CRTAP: variants seen among roughly 807,000 people sequenced by gnomAD.
CRTAP encodes the protein cartilage-associated protein.
Under a neutral mutation model 42.7 loss-of-function variants are expected in CRTAP, and 33 were observed. That is an observed-to-expected ratio of 0.77 (90% CI 0.59 to 1.03). The LOEUF (loss-of-function observed/expected upper bound fraction) is 1.03, where lower values mean the gene tolerates loss of function less well. Ranked by LOEUF, CRTAP falls within the 50% of genes least tolerant of loss-of-function variation. CRTAP has a pLI of 0.00. For missense variants in CRTAP, 613 were observed against 533.9 expected, an observed-to-expected ratio of 1.15 and a Z score of -1.46; for synonymous variants, 243 against 217.7, an observed-to-expected ratio of 1.12 and a Z score of -1.02.
intron 3 of CRTAP, among the ~76,000 whole-genome samples, chr3:33,124,837 C>T (rs1284974356): frequency 6.6e-6 from 1 of 152,164 alleles, no homozygotes; most frequent in East Asian, 1.9e-4. Flanking sequence ...TACTTGCTTA[C>T]AGATTTCCTA....
rs567140362 is a variant in CRTAP at position 33,126,615 on chromosome 3, A to G, written c.793+2036A>G. ...TCTATCTTTGATACAGCTAAGATAT[A>G]TATGTATTGTAAATCAAAGAGTATC... On this transcript the variant is annotated intron_variant, in intron 3 of 6. Coordinates refer to ENST00000320954, the MANE Select transcript of CRTAP (RefSeq NM_006371.5). 4.6e-5 allele frequency among the ~76,000 whole-genome samples: 7 copies of G among 152,326 alleles called. No homozygotes were observed. In the East Asian group the frequency reaches 1.4e-3, roughly 29 times the overall value.
rs576734947 is a variant in CRTAP at position 33,143,155 on chromosome 3, C to T, written c.*707C>T. ...TATTTTTTAAATAAGAAAAACATTC[C>T]TAGAAGATGATAATTGTGAAAACCT... is the stretch of plus-strand genomic sequence containing the variant. On this transcript the variant is annotated 3_prime_UTR_variant, in exon 7 of 7. Transcript: ENST00000320954. The T allele has an allele frequency of 4.6e-5, 7 of 152,162 alleles. No individual in the cohort carries two copies. The highest frequency in any genetic ancestry group is 1.2e-4 in the African/African-American group (5 of 41,422). 9.4% of individuals were successfully genotyped at this position (152,162 alleles called of 1,614,324 possible).
chr3:33,120,166 TCAG>T (rs921699867), intron 1 of CRTAP, among the ~76,000 whole-genome samples, 175 bp from the exon 2 acceptor site: 2 of 152,150 alleles, frequency 1.3e-5, no homozygotes, highest in African/African-American at 4.8e-5. Flanking sequence ...TTTCAGGAAA[TCAG>T]CACTTGTCTC....
chr3:33,137,288 C>T (rs2030449750), intron 6 of CRTAP, among the ~76,000 whole-genome samples: 1 of 152,070 alleles, frequency 6.6e-6, no homozygotes, highest in Non-Finnish European at 1.5e-5. Context: ...TACAGGCGCG[C>T]ACCACCACAC....
chr3:33,125,939 A>T (rs1418644880), intron 3 of CRTAP, among the ~76,000 whole-genome samples: 1 of 152,180 alleles, frequency 6.6e-6, no homozygotes, highest in Non-Finnish European at 1.5e-5. Flanking sequence ...GCAATGGGTT[A>T]TCTCTTGAAA....
rs769801562 is a variant in CRTAP, at chr3:33,132,579, C to G, written c.947C>G (p.Pro316Arg). 1.9e-6 allele frequency: 3 copies of G among 1,614,112 alleles called. No homozygotes were observed. The highest frequency in any genetic ancestry group is 2.5e-6 in the Non-Finnish European group (3 of 1,179,990). ...GTGAACGACCTGAAGAATGCAGCCC[C>G]CTGTGCAGTCAGCTATCTGCTCTTT... ...YKLNDLKNAA[P>R]CAVSYLLFDQ... The change falls in exon 5 of 7, where the codon CCC (proline) becomes CGC (arginine). Residue 316 changes from proline (P) to arginine (R), a missense_variant. Physicochemically the swap from Pro to Arg is moderately radical, Grantham distance 103. Transcript: ENST00000320954.
Position 33,120,343 on chromosome 3 carries a change from G to GTAGA in CRTAP, c.472-1_472insTAGA (p.Ala158Ter). On this transcript the variant is annotated stop_gained and frameshift_variant and splice_region_variant. Coordinates refer to ENST00000320954, the MANE Select transcript of CRTAP (RefSeq NM_006371.5). LOFTEE classifies it high-confidence loss of function. ...AGCTTTTATGTTCTTTGTCCTTTTA[G>GTAGA]GCAAATAATCTCCCCAAAGCCATCG... 1 of 1,613,586 alleles carries GTAGA rather than the reference G, an allele frequency of 6.2e-7. No individual in the cohort carries two copies. The highest frequency in any genetic ancestry group is 8.5e-7 in the Non-Finnish European group (1 of 1,179,618).
chr3:33,123,625 G>GTTTT (rs141876885), intron 2 of CRTAP, among the ~76,000 whole-genome samples: 34 of 106,350 alleles, frequency 3.2e-4, no homozygotes, highest in African/African-American at 7.2e-4. Context: ...CCCAGTCTCG[G>GTTTT]TTTTTTTTTT....
Position 33,129,991 on chromosome 3 carries a change from C to T in CRTAP, c.846C>T (p.Thr282=). Residue 282 remains threonine (T), a synonymous_variant, in exon 4 of 7, where the codon ACC becomes ACT. Coordinates refer to ENST00000320954, the MANE Select transcript of CRTAP (RefSeq NM_006371.5). ...ECKIQCEENL[T]PVIGGYPVEK... The stretch of plus-strand genomic sequence containing the variant: ...AAATACAGTGTGAAGAGAACCTCAC[C>T]CCAGTTATAGGAGGCTATCCGGTTG... 6.2e-7 allele frequency: 1 copy of T among 1,613,002 alleles called. No individual in the cohort carries two copies. The highest frequency in any genetic ancestry group is 8.5e-7 in the Non-Finnish European group (1 of 1,179,136).
Position 33,114,198 on chromosome 3 carries a change from C to T in CRTAP, c.121C>T (p.Leu41=), listed in dbSNP as rs904106169. 23 of 1,594,288 alleles carry T rather than the reference C, an allele frequency of 1.4e-5. 2 individuals carry two copies. The Admixed American group carries it at 2.7e-4, about 19-fold the overall frequency. The part of the protein sequence containing the change: ...YSFRSFPRDE[L]MPLESAYRHA... Reference sequence around the variant, plus strand: ...CTTCCGCAGCTTCCCACGGGACGAGCTGATGCCGCTCGAGTCGGCCTACCG... The same window carrying T: ...CTTCCGCAGCTTCCCACGGGACGAGTTGATGCCGCTCGAGTCGGCCTACCG... Residue 41 remains leucine (L), a synonymous_variant, in exon 1 of 7, where the codon CTG becomes TTG. Coordinates refer to ENST00000320954, the MANE Select transcript of CRTAP (RefSeq NM_006371.5).
chr3:33,142,288 G>A (rs1468560509), intron 6 of CRTAP, 107 bp from the exon 7 acceptor site: 2 of 1,104,858 alleles, frequency 1.8e-6, no homozygotes, highest in African/African-American at 3.1e-5. Flanking sequence ...ACCTGTTTCA[G>A]CCAAAGCAGA....
Position 33,145,999 on chromosome 3 carries a change from A to C in CRTAP, c.*3551A>C, listed in dbSNP as rs2030709548. On this transcript the variant is annotated 3_prime_UTR_variant, in exon 7 of 7. Transcript: ENST00000320954. This position sits in a 1 kb window ranked among gnomAD's most constrained non-coding sequence, Gnocchi z 4.3. ...TGAAGGCTGTAGAGCTGAGTTACCA[A>C]AATTTCTATTTCAAAGGAAACCAAA... The C allele has an allele frequency of 6.6e-6, 1 of 152,020 alleles. No individual in the cohort carries two copies. The highest frequency in any genetic ancestry group is 1.5e-5 in the Non-Finnish European group (1 of 68,016). 9.4% of individuals were successfully genotyped at this position (152,020 alleles called of 1,614,324 possible). A position where few individuals can be genotyped will look rare whatever the true frequency, so the allele number is the denominator to read the frequency against.
chr3:33,117,673 C>T (rs1457802025), intron 1 of CRTAP, among the ~76,000 whole-genome samples: 1 of 152,206 alleles, frequency 6.6e-6, no homozygotes, highest in East Asian at 1.9e-4. Flanking sequence ...AACCACAGGG[C>T]CTGCCTCTGT....
Position 33,114,384 on chromosome 3 carries a change from T to C in CRTAP, c.307T>C (p.Tyr103His). 1 of 1,529,560 alleles carries C rather than the reference T, an allele frequency of 6.5e-7. No homozygotes were observed. Among genetic ancestry groups the C allele is most frequent in the African/African-American group, 1.4e-5 (1 of 70,462 alleles). The allele number at this position is 1,529,560 out of a possible 1,614,324, so 94.7% of individuals were successfully genotyped here. A position where few individuals can be genotyped will look rare whatever the true frequency, so the allele number is the denominator to read the frequency against. Residue 103 changes from tyrosine (Y) to histidine (H), a missense_variant, in exon 1 of 7, where the codon TAT becomes CAT. Tyr to His is a moderately conservative substitution (Grantham distance 83). Transcript: ENST00000320954. ...CGAGCCCGCCGCCGGCCTCGCCAGC[T>C]ATCCCGAGCTGCGCCTCTTCGGGGG... is the stretch of plus-strand genomic sequence containing the variant. ...QPEPAAGLAS[Y>H]PELRLFGGLL...
intron 3 of CRTAP, among the ~76,000 whole-genome samples, chr3:33,128,734 A>G (rs2030149153): frequency 6.6e-6 from 1 of 152,190 alleles, no homozygotes; most frequent in Admixed American, 6.5e-5. Flanking sequence ...ATCATTTTGT[A>G]CTTCCTACCA....
In CRTAP at chr3:33,130,059, A is replaced by G. The variant is rs535806404; in HGVS notation, c.914A>G (p.Tyr305Cys). The change falls in exon 4 of 7, where the codon TAT becomes TGT. Residue 305 changes from tyrosine (Y) to cysteine (C), a missense_variant. Coordinates refer to ENST00000320954, the MANE Select transcript of CRTAP (RefSeq NM_006371.5). ...ATMYHYLQFA[Y>C]YKLNDLKNAA... ...ATGTATCATTACTTGCAGTTTGCCT[A>G]TTATAAGTGTAAGTAATCTTCTGTG... 1.2e-6 allele frequency: 2 copies of G among 1,613,626 alleles called. No homozygotes were observed. Among genetic ancestry groups the G allele is most frequent in the South Asian group, 1.1e-5 (1 of 91,080 alleles).
chr3:33,129,910 G>A (rs947704311), intron 3 of CRTAP, 29 bp from the exon 4 acceptor site: 1 of 1,606,836 alleles, frequency 6.2e-7, no homozygotes, highest in Admixed American at 1.7e-5. Context: ...TGGATCCACT[G>A]CTCTGAAAAT....
At chr3:33,124,616 A>C (rs1559433967) in intron 3 of CRTAP, 37 bp downstream of exon 3, 1 of 1,611,982 alleles carries the variant, frequency 6.2e-7, no homozygotes. Context: ...ACTCCCATGG[A>C]ATAGTCTTCC....
chr3:33,129,876 G>A, intron 3 of CRTAP, 63 bp from the exon 4 acceptor site: 1 of 1,507,408 alleles, frequency 6.6e-7, no homozygotes, highest in Non-Finnish European at 9.2e-7. Flanking sequence ...TTGGGCAGGA[G>A]GCAGTAGCAT....
Sources: gnomAD v4.1 joint callset for allele counts (sites outside exome capture counted in the v4.1 genomes callset) on GRCh38, gnomAD v4.1.1 for gene constraint, Gnocchi (gnomAD v3.1) non-coding constraint, MANE v1.5 for transcripts, NCBI Gene and HGNC (gene_info 2026-07-23, HGNC 2026-07-21) for gene names.